The following FHIP1A variants were observed in gnomAD, a reference collection of about 807,000 sequenced individuals.
FHIP1A encodes the protein FHF complex subunit HOOK interacting protein 1A.
Under a neutral mutation model 88.6 loss-of-function variants are expected in FHIP1A, and 61 were observed. The observed-to-expected ratio is 0.69, with a 90% confidence interval of 0.56 to 0.85. The LOEUF (loss-of-function observed/expected upper bound fraction) is 0.85. Ranked by LOEUF, FHIP1A falls within the 40% of genes least tolerant of loss-of-function variation. The pLI, the probability that FHIP1A is intolerant of heterozygous loss-of-function variation, is 0.00. For missense variants in FHIP1A, 1,154 were observed against 1,273.5 expected (o/e 0.91, Z 1.43); for synonymous variants, 478 against 496.0 (o/e 0.96, Z 0.48).
At chr4:151,605,081 A>G (rs1735021778) in intron 7 of FHIP1A, among the ~76,000 whole-genome samples, 1 of 152,126 alleles carries the variant, frequency 6.6e-6, no homozygotes. Flanking sequence ...GAGAGTTGGC[A>G]GTTGCAGCCA....
intron 4 of FHIP1A, among the ~76,000 whole-genome samples, chr4:151,568,484 T>G (rs1221286681): frequency 6.6e-6 from 1 of 152,210 alleles, no homozygotes; most frequent in African/African-American, 2.4e-5. Context: ...AGGGCCTTTC[T>G]GTTATCTTTA....
rs769938679 is a variant in FHIP1A, at chr4:151,656,083, G to A, written c.2552-149G>A. On this transcript the variant is annotated intron_variant, in intron 11 of 13. Transcript: ENST00000435205. This position sits in a 1 kb window ranked among gnomAD's most constrained non-coding sequence, Gnocchi z 4.2. ...TGTTTTCCGTTTTGGTTTTGAGGCA[G>A]GAGAAAACGTGGCCATATTTGCTGT... is the stretch of plus-strand genomic sequence containing the variant. 7 of 553,962 alleles carry A rather than the reference G, an allele frequency of 1.3e-5. No homozygotes were observed. Among genetic ancestry groups the A allele is most frequent in the Non-Finnish European group, 2.1e-5 (7 of 325,762 alleles). The allele number at this position is 553,962 out of a possible 1,614,324, so 34.3% of individuals were successfully genotyped here.
At chr4:151,477,488 G>A (rs55643581) in intron 2 of FHIP1A, among the ~76,000 whole-genome samples, 3,108 of 152,156 alleles carry the variant, frequency 0.02, 105 homozygotes, top group African/African-American at 0.07. Context: ...AAACTGAGAA[G>A]CCATAAAAGA....
At chr4:151,594,639 C>T (rs924194671) in intron 7 of FHIP1A, among the ~76,000 whole-genome samples, 1 of 150,302 alleles carries the variant, frequency 6.7e-6, no homozygotes, top group Non-Finnish European at 1.5e-5. Flanking sequence ...TGCAGTGGTG[C>T]GATCTCGGCT....
At chr4:151,442,458 C>A (rs1050270963) in intron 1 of FHIP1A, among the ~76,000 whole-genome samples, 16 of 152,154 alleles carry the variant, frequency 1.1e-4, no homozygotes, top group African/African-American at 3.9e-4. Context: ...AGTCAAGAAT[C>A]ATGGTCATTG....
intron 3 of FHIP1A, among the ~76,000 whole-genome samples, chr4:151,541,881 T>C (rs534693434): frequency 6.6e-6 from 1 of 152,334 alleles, no homozygotes; most frequent in South Asian, 2.1e-4. Context: ...CTTACTACAG[T>C]ACGCCTTTTC....
At chr4:151,446,608 G>GTTTTTTTTT (rs1728618002) in intron 1 of FHIP1A, among the ~76,000 whole-genome samples, 1 of 130,138 alleles carries the variant, frequency 7.7e-6, no homozygotes. Context: ...TTTGGTTGTG[G>GTTTTTTTTT]TTTAATCTTT....
At chr4:151,550,921 A>G (rs894277647) in intron 3 of FHIP1A, among the ~76,000 whole-genome samples, 41 of 152,304 alleles carry the variant, frequency 2.7e-4, no homozygotes, top group African/African-American at 9.6e-4. Context: ...AAGCTCTGAA[A>G]CTGGGTTGAC....
intron 1 of FHIP1A, among the ~76,000 whole-genome samples, chr4:151,423,074 G>A (rs931488271): frequency 6.6e-6 from 1 of 152,182 alleles, no homozygotes. Context: ...AGAGCTGTAG[G>A]CTTGTCACCC....
intron 1 of FHIP1A, among the ~76,000 whole-genome samples, chr4:151,418,205 C>T (rs927210109): frequency 3.7e-5 from 5 of 135,658 alleles, no homozygotes; most frequent in Admixed American, 2.2e-4. Context: ...ACAAGAGAAA[C>T]TCTGACAACA....
rs542020040 is a variant in FHIP1A, at chr4:151,669,111, C to A, written c.*6357C>A. Among the ~76,000 whole-genome samples the A allele has an allele frequency of 1.3e-5, 2 of 152,192 alleles. No individual in the cohort carries two copies. Among genetic ancestry groups the A allele is most frequent in the African/African-American group, 2.4e-5 (1 of 41,428 alleles). On this transcript the variant is annotated 3_prime_UTR_variant, in exon 14 of 14. Coordinates refer to ENST00000435205, the MANE Select transcript of FHIP1A (RefSeq NM_001109977.3). ...CCCTTTATAAGCAGAGCCATCTTTG[C>A]GAATTTCTTGGGGTGTTAATGTAAA...
chr4:151,438,073 G>T (rs1728267398), intron 1 of FHIP1A, among the ~76,000 whole-genome samples: 1 of 151,722 alleles, frequency 6.6e-6, no homozygotes, highest in Non-Finnish European at 1.5e-5. Context: ...AACTGGGAAA[G>T]TGCTGAGAGA....
chr4:151,620,017 G>T (rs995196491), intron 7 of FHIP1A, among the ~76,000 whole-genome samples: 1 of 152,190 alleles, frequency 6.6e-6, no homozygotes, highest in Non-Finnish European at 1.5e-5. Context: ...GGAAGAGAGG[G>T]AGAATAAATA....
chr4:151,592,646 T>TA (rs1193946520), intron 7 of FHIP1A, among the ~76,000 whole-genome samples: 1 of 152,224 alleles, frequency 6.6e-6, no homozygotes, highest in East Asian at 1.9e-4. Flanking sequence ...AAGTTCCTTG[T>TA]AGATTCTGGA....
intron 11 of FHIP1A, among the ~76,000 whole-genome samples, chr4:151,655,771 GA>G (rs1371107758): frequency 6.6e-6 from 1 of 152,086 alleles, no homozygotes; most frequent in Non-Finnish European, 1.5e-5. Flanking sequence ...GTTCTTTACA[GA>G]GAATTTTTCA....
chr4:151,645,392 T>C (rs542811735), intron 9 of FHIP1A, among the ~76,000 whole-genome samples: 1 of 152,204 alleles, frequency 6.6e-6, no homozygotes, highest in South Asian at 2.1e-4. Context: ...GCTCTTGCAG[T>C]GGATCAGTTG....
At chr4:151,604,083 C>T (rs1180366788) in intron 7 of FHIP1A, among the ~76,000 whole-genome samples, 1 of 152,074 alleles carries the variant, frequency 6.6e-6, no homozygotes, top group Non-Finnish European at 1.5e-5. Flanking sequence ...GGTTCAAGGC[C>T]TCTCTCCTAT....
chr4:151,519,488 G>A (rs1731377956), intron 3 of FHIP1A, among the ~76,000 whole-genome samples: 1 of 151,848 alleles, frequency 6.6e-6, no homozygotes, highest in South Asian at 2.1e-4. Context: ...ATAGACATCT[G>A]GGGGTATTTT....
intron 3 of FHIP1A, among the ~76,000 whole-genome samples, chr4:151,486,389 A>C (rs1450786918): frequency 6.6e-6 from 1 of 152,170 alleles, no homozygotes; most frequent in Non-Finnish European, 1.5e-5. Flanking sequence ...TAGACATTTC[A>C]AGAAGCAGAG....
Sources: allele counts gnomAD v4.1 joint callset (sites outside exome capture counted in the v4.1 genomes callset), GRCh38; gene constraint gnomAD v4.1.1; non-coding constraint Gnocchi (gnomAD v3.1); transcripts MANE v1.5; gene names NCBI Gene and HGNC (gene_info 2026-07-23, HGNC 2026-07-21).